Variants in CAMK2D observed in about 807,000 individuals in gnomAD.
The protein encoded by CAMK2D is calcium/calmodulin dependent protein kinase II delta, also known as calcium/calmodulin-dependent protein kinase type II subunit delta.
A neutral mutation model predicts 84.0 loss-of-function variants in CAMK2D; 37 were observed. The observed-to-expected ratio is 0.44, with a 90% confidence interval of 0.34 to 0.58. The LOEUF (loss-of-function observed/expected upper bound fraction) is 0.58, where lower values mean the gene tolerates loss of function less well. Among genes scored for constraint, CAMK2D ranks in the 20% least tolerant of loss-of-function variants. The probability of loss-of-function intolerance (pLI) is 0.02; values close to 1 mark genes in which losing one functional copy is unlikely to be tolerated. For synonymous variants in CAMK2D, 202 were observed against 212.5 expected (o/e 0.95, Z 0.43); for missense variants, 448 against 652.5 (o/e 0.69, Z 3.41).
At chr4:113,703,920 G>C (rs1218118725) in intron 2 of CAMK2D, among the ~76,000 whole-genome samples, 2 of 124,166 alleles carry the variant, frequency 1.6e-5, no homozygotes, top group Admixed American at 9.6e-5. Context: ...TATTTCTTAT[G>C]ACCTTTTTTT....
intron 2 of CAMK2D, among the ~76,000 whole-genome samples, chr4:113,669,446 G>T (rs1326727789): frequency 6.6e-6 from 1 of 152,132 alleles, no homozygotes; most frequent in Non-Finnish European, 1.5e-5. Flanking sequence ...GGAAAAGTGG[G>T]AGCATAATTG....
At chr4:113,579,764 C>G (rs1289004772) in intron 4 of CAMK2D, among the ~76,000 whole-genome samples, 1 of 152,180 alleles carries the variant, frequency 6.6e-6, no homozygotes, top group East Asian at 1.9e-4. Context: ...TCCTTTACAG[C>G]AATGCAAAAC....
At position 113,731,705 on chromosome 4, in the gene CAMK2D, C is replaced by A. The variant is rs542828478; in HGVS notation, c.160+27615G>T. Among the ~76,000 whole-genome samples, 439 of 151,914 alleles carry A rather than the reference C, an allele frequency of 2.9e-3. 1 individual carries two copies. Among genetic ancestry groups the A allele is most frequent in the African/African-American group, 9.8e-3 (407 of 41,416 alleles). On this transcript the variant is annotated intron_variant, in intron 2 of 20. Coordinates refer to ENST00000511664, the MANE Select transcript of CAMK2D (RefSeq NM_001321571.2). ...GGTTCGAGTGATTCCCCTGCCTCAG[C>A]CTCCTGAGTAGGTGGGACTACAGGC... is the stretch of plus-strand genomic sequence containing the variant.
At chr4:113,613,692 T>C (rs781441395) in intron 3 of CAMK2D, among the ~76,000 whole-genome samples, 7 of 152,146 alleles carry the variant, frequency 4.6e-5, no homozygotes, top group Non-Finnish European at 7.4e-5. Context: ...AATATGAGAA[T>C]TGCCAGTGAC....
At chr4:113,661,251 C>T (rs1272280913) in intron 3 of CAMK2D, among the ~76,000 whole-genome samples, 1 of 151,902 alleles carries the variant, frequency 6.6e-6, no homozygotes, top group Non-Finnish European at 1.5e-5. Flanking sequence ...ACCTTCACAA[C>T]TATTTTCCCA....
chr4:113,555,612 T>C (rs147651033), intron 4 of CAMK2D, among the ~76,000 whole-genome samples: 205 of 152,242 alleles, frequency 1.3e-3, no homozygotes, highest in African/African-American at 4.6e-3. Context: ...ATTTAAGCAA[T>C]TGGTATCTCT....
At chr4:113,697,943 T>C (rs2099407700) in intron 2 of CAMK2D, among the ~76,000 whole-genome samples, 1 of 152,082 alleles carries the variant, frequency 6.6e-6, no homozygotes, top group Non-Finnish European at 1.5e-5. Flanking sequence ...CATTTATAAA[T>C]GGCAGTACAG....
intron 2 of CAMK2D, among the ~76,000 whole-genome samples, chr4:113,739,186 T>TTAGGC (rs1252444095): frequency 6.6e-6 from 1 of 152,204 alleles, no homozygotes; most frequent in African/African-American, 2.4e-5. Context: ...TGTTGCATTA[T>TTAGGC]TAGGCTTTCA....
rs575510048 is a variant in CAMK2D at position 113,537,614 on chromosome 4, T to TA, written c.415-172dup. Among the ~76,000 whole-genome samples the TA allele has an allele frequency of 1.6e-4, 25 of 152,266 alleles. No individual in the cohort carries two copies. In the South Asian group the frequency reaches 5.0e-3, roughly 30 times the overall value. ...AAAATACAGTTAGAAAATGATTAAA[T>TA]ATTATCATGTGTGCAGGCTTCAGAC... is the stretch of plus-strand genomic sequence containing the variant. On this transcript the variant is annotated intron_variant, in intron 6 of 20. Transcript: ENST00000511664.
At chr4:113,531,647 T>TG (rs1420371264) in intron 7 of CAMK2D, among the ~76,000 whole-genome samples, 1 of 152,148 alleles carries the variant, frequency 6.6e-6, no homozygotes, top group Non-Finnish European at 1.5e-5. Context: ...AAAAGAAATA[T>TG]GGAGAAGAAC....
At chr4:113,631,456 A>T (rs1020435946) in intron 3 of CAMK2D, among the ~76,000 whole-genome samples, 1 of 152,216 alleles carries the variant, frequency 6.6e-6, no homozygotes, top group Non-Finnish European at 1.5e-5. Context: ...GCTGCAGTTG[A>T]CATTTCCAAT....
chr4:113,454,449 C>A lies in CAMK2D; in HGVS notation c.*96G>T. 1 of 772,742 alleles carries A rather than the reference C, an allele frequency of 1.3e-6. No homozygotes were observed. Among genetic ancestry groups the A allele is most frequent in the Non-Finnish European group, 2.4e-6 (1 of 413,522 alleles). The allele number at this position is 772,742 out of a possible 1,614,324, so 47.9% of individuals were successfully genotyped here. ...AACATGCATGAAGAGGAGGAGAGGA[C>A]GGCCCAGGGTCACCATCCAGGTGCC... On this transcript the variant is annotated 3_prime_UTR_variant, in exon 21 of 21. Transcript: ENST00000511664.
chr4:113,561,864 T>C (rs1211578344), intron 4 of CAMK2D, among the ~76,000 whole-genome samples: 2 of 152,246 alleles, frequency 1.3e-5, no homozygotes, highest in Non-Finnish European at 2.9e-5. Context: ...TCAGCTTAAG[T>C]GTTCTGTTGC....
chr4:113,486,822 C>T (rs989930480), intron 16 of CAMK2D, among the ~76,000 whole-genome samples: 5 of 152,220 alleles, frequency 3.3e-5, no homozygotes, highest in Non-Finnish European at 7.3e-5. Flanking sequence ...TCACGATTCA[C>T]TCTCTATTGA....
At chr4:113,537,732 C>T (rs2098503170) in intron 6 of CAMK2D, among the ~76,000 whole-genome samples, 1 of 152,172 alleles carries the variant, frequency 6.6e-6, no homozygotes, top group Admixed American at 6.5e-5. Flanking sequence ...TTGACCTGCT[C>T]ACATGTTTCC....
intron 17 of CAMK2D, among the ~76,000 whole-genome samples, chr4:113,464,083 C>G (rs2097427159): frequency 6.6e-6 from 1 of 152,204 alleles, no homozygotes; most frequent in South Asian, 2.1e-4. Context: ...AGTTTGCACC[C>G]AATTGTGTTT....
At chr4:113,508,222 A>T in intron 13 of CAMK2D, 2 of 1,533,162 alleles carry the variant, frequency 1.3e-6, no homozygotes, top group South Asian at 2.4e-5. Flanking sequence ...GAAATCTGGC[A>T]GATAGATCCT....
intron 2 of CAMK2D, among the ~76,000 whole-genome samples, chr4:113,696,199 C>CACACAG (rs1554062066): frequency 1.6e-4 from 1 of 6,290 alleles, no homozygotes; most frequent in Non-Finnish European, 1.6e-3. Flanking sequence ...CACACAGACA[C>CACACAG]ACACACACAC....
chr4:113,723,333 T>A (rs2099536814), intron 2 of CAMK2D, among the ~76,000 whole-genome samples: 2 of 151,668 alleles, frequency 1.3e-5, no homozygotes, highest in Non-Finnish European at 2.9e-5. Context: ...CAAGCGATGC[T>A]CATGCCTTAG....
Sources: gnomAD v4.1 joint callset for allele counts (sites outside exome capture counted in the v4.1 genomes callset) on GRCh38, gnomAD v4.1.1 for gene constraint, MANE v1.5 for transcripts, NCBI Gene and HGNC (gene_info 2026-07-23, HGNC 2026-07-21) for gene names.